Variants in IQCH observed in about 807,000 individuals in gnomAD.
IQCH encodes IQ domain-containing protein H.
A neutral mutation model predicts 117.0 loss-of-function variants in IQCH; 98 were observed. The ratio of observed to expected loss-of-function variants is 0.84; its 90% CI spans 0.71 to 0.99. The LOEUF is 0.99. IQCH is among the 50% of genes least tolerant of loss of function. The probability of loss-of-function intolerance (pLI) is 0.00; values close to 1 mark genes in which losing one functional copy is unlikely to be tolerated. For missense variants in IQCH, 1,102 were observed against 1,243.8 expected (o/e 0.89, Z 1.72); for synonymous variants, 412 against 448.2 (o/e 0.92, Z 1.02).
Position 67,388,736 on chromosome 15 carries a change from C to A in IQCH, c.1457-95C>A, listed in dbSNP as rs2140839188. ...CCTTAACCTGGGTTTTGGATATGCT[C>A]TTTATTTTAAACTGCACAACACCAA... On this transcript the variant is annotated intron_variant, in intron 11 of 20. Transcript: ENST00000335894. This position sits in a 1 kb window ranked among gnomAD's most constrained non-coding sequence, Gnocchi z 5.5. 1 of 1,102,748 alleles carries A rather than the reference C, an allele frequency of 9.1e-7. No homozygotes were observed. Among genetic ancestry groups the A allele is most frequent in the Non-Finnish European group, 1.3e-6 (1 of 757,870 alleles). The allele number at this position is 1,102,748 out of a possible 1,614,324, so 68.3% of individuals were successfully genotyped here.
At chr15:67,264,492 A>G (rs1191839466) in intron 3 of IQCH, among the ~76,000 whole-genome samples, 1 of 152,180 alleles carries the variant, frequency 6.6e-6, no homozygotes, top group Non-Finnish European at 1.5e-5. Context: ...AAGCTCACTC[A>G]TATAGTTACT....
intron 4 of IQCH, among the ~76,000 whole-genome samples, chr15:67,306,011 AC>A (rs558401438): frequency 6.2e-4 from 93 of 149,894 alleles, no homozygotes; most frequent in African/African-American, 2.3e-3. Context: ...TTTCCATCAA[AC>A]TTGATGCCAT....
chr15:67,264,105 A>T (rs1391539390), intron 3 of IQCH, among the ~76,000 whole-genome samples: 2 of 152,110 alleles, frequency 1.3e-5, no homozygotes, highest in Admixed American at 1.3e-4. Context: ...TGTACATTGG[A>T]CCTGTCTCCC....
chr15:67,348,366 C>CAG (rs956758451), intron 6 of IQCH, among the ~76,000 whole-genome samples: 45 of 151,624 alleles, frequency 3.0e-4, no homozygotes, highest in Non-Finnish European at 1.3e-4. Context: ...CACACACACA[C>CAG]ACACACACAC....
intron 6 of IQCH, among the ~76,000 whole-genome samples, chr15:67,346,620 C>G (rs760434130): frequency 1.3e-5 from 2 of 152,154 alleles, no homozygotes; most frequent in Non-Finnish European, 2.9e-5. Flanking sequence ...TTGTGTAGCT[C>G]AGTTCCTAAT....
intron 7 of IQCH, among the ~76,000 whole-genome samples, chr15:67,357,735 T>C (rs578209387): frequency 2.6e-5 from 4 of 152,358 alleles, no homozygotes; most frequent in Non-Finnish European, 4.4e-5. Context: ...TTGTATGGTA[T>C]AGGATGTCTT....
rs991729206 is a variant in IQCH at position 67,364,700 on chromosome 15, C to G, written c.753+4815C>G. Among the ~76,000 whole-genome samples the G allele has an allele frequency of 6.6e-6, 1 of 151,932 alleles. No homozygotes were observed. The highest frequency in any genetic ancestry group is 1.5e-5 in the Non-Finnish European group (1 of 67,996). On this transcript the variant is annotated intron_variant, in intron 8 of 20. Coordinates refer to ENST00000335894, the MANE Select transcript of IQCH (RefSeq NM_001031715.3). The surrounding 1 kb of genome is among the most constrained non-coding windows in gnomAD (Gnocchi z 4.1). ...AAAAAGTATAGAAGGATTTTTTTCC[C>G]CATATCACAATCCTTTGGTACTATT...
intron 4 of IQCH, among the ~76,000 whole-genome samples, chr15:67,279,913 G>A (rs1373157587): frequency 6.6e-6 from 1 of 152,058 alleles, no homozygotes; most frequent in Admixed American, 6.6e-5. Context: ...GTACTCGGGA[G>A]GCTGAGGCAG....
chr15:67,291,848 C>T (rs151261575), intron 4 of IQCH, among the ~76,000 whole-genome samples: 123 of 152,236 alleles, frequency 8.1e-4, no homozygotes, highest in Non-Finnish European at 9.6e-4. Context: ...ATGAGAGCAG[C>T]GACTTTTTGA....
chr15:67,379,077 CA>C (rs914758074), intron 10 of IQCH, among the ~76,000 whole-genome samples: 12 of 151,212 alleles, frequency 7.9e-5, no homozygotes, highest in Non-Finnish European at 1.2e-4. Context: ...TTTTCTAAAA[CA>C]AAAAAAAATT....
At chr15:67,323,935 A>G (rs562691386) in intron 4 of IQCH, among the ~76,000 whole-genome samples, 4 of 112,592 alleles carry the variant, frequency 3.6e-5, no homozygotes, top group South Asian at 5.6e-4. Flanking sequence ...TTTTTTAAGC[A>G]TTTCTTTTTT....
chr15:67,301,601 G>C (rs371728397), intron 4 of IQCH, among the ~76,000 whole-genome samples: 1 of 151,482 alleles, frequency 6.6e-6, no homozygotes, highest in Non-Finnish European at 1.5e-5. Context: ...GTAGAGACGG[G>C]GTTTCACCAT....
intron 4 of IQCH, among the ~76,000 whole-genome samples, chr15:67,292,699 T>C (rs1008619472): frequency 2.0e-5 from 3 of 152,222 alleles, no homozygotes; most frequent in Non-Finnish European, 4.4e-5. Flanking sequence ...AATAAAAACC[T>C]AATGACATTT....
intron 16 of IQCH, among the ~76,000 whole-genome samples, chr15:67,462,157 C>T (rs1289732884): frequency 6.7e-6 from 1 of 150,288 alleles, no homozygotes; most frequent in Non-Finnish European, 1.5e-5. Flanking sequence ...AAAGGTTGGG[C>T]GCGGTGGCTC....
Position 67,453,298 on chromosome 15 carries a change from G to A in IQCH, c.2506-11829G>A, listed in dbSNP as rs535148434. Among the ~76,000 whole-genome samples, 4 of 152,274 alleles carry A rather than the reference G, an allele frequency of 2.6e-5. No individual in the cohort carries two copies. Among genetic ancestry groups the A allele is most frequent in the African/African-American group, 4.8e-5 (2 of 41,542 alleles). On this transcript the variant is annotated intron_variant, in intron 16 of 20. Coordinates refer to ENST00000335894, the MANE Select transcript of IQCH (RefSeq NM_001031715.3). The surrounding 1 kb of genome is among the most constrained non-coding windows in gnomAD (Gnocchi z 5.8). ...TGCGTTCCTTTGGAGGAGGAGAGGCGCTCTGCTTTTTAGAGTTTCCAGTTT... is the reference window on the plus strand; with the variant it reads ...TGCGTTCCTTTGGAGGAGGAGAGGCACTCTGCTTTTTAGAGTTTCCAGTTT...
rs912692957 is a variant in IQCH, at chr15:67,353,521, G to A, written c.638-3824G>A. On this transcript the variant is annotated intron_variant, in intron 6 of 20. Coordinates refer to ENST00000335894, the MANE Select transcript of IQCH (RefSeq NM_001031715.3). ...ACTACAGGTGCGCGCCACCACGCCC[G>A]GCTAATTTTTTGTATTTTAGTAGAG... Among the ~76,000 whole-genome samples the A allele has an allele frequency of 6.6e-5, 10 of 151,892 alleles. No homozygotes were observed. In the East Asian group the frequency reaches 9.8e-4, roughly 15 times the overall value.
At chr15:67,350,075 G>A (rs1030364516) in intron 6 of IQCH, among the ~76,000 whole-genome samples, 34 of 152,084 alleles carry the variant, frequency 2.2e-4, no homozygotes, top group Non-Finnish European at 2.9e-5. Context: ...TGTATATGAA[G>A]GTTTGTAATA....
At chr15:67,367,230 C>T (rs1219969975) in intron 8 of IQCH, among the ~76,000 whole-genome samples, 1 of 152,096 alleles carries the variant, frequency 6.6e-6, no homozygotes, top group African/African-American at 2.4e-5. Context: ...AATTGCTTTC[C>T]AGCCTGTCAA....
At chr15:67,329,169 T>A (rs1968547254) in intron 4 of IQCH, among the ~76,000 whole-genome samples, 1 of 151,942 alleles carries the variant, frequency 6.6e-6, no homozygotes, top group African/African-American at 2.4e-5. Flanking sequence ...CCTGGTGGTG[T>A]GCACCTGTAG....
Sources: gnomAD v4.1 joint callset for allele counts (sites outside exome capture counted in the v4.1 genomes callset) on GRCh38, gnomAD v4.1.1 for gene constraint, Gnocchi (gnomAD v3.1) non-coding constraint, MANE v1.5 for transcripts, NCBI Gene and HGNC (gene_info 2026-07-23, HGNC 2026-07-21) for gene names.